The following TRIM71 variants were observed in gnomAD, a reference collection of about 807,000 sequenced individuals.
TRIM71 encodes the protein E3 ubiquitin-protein ligase TRIM71.
TRIM71 carries 9 observed loss-of-function variants against 61.2 expected under a neutral mutation model. That is an observed-to-expected ratio of 0.15 (90% CI 0.09 to 0.26). The LOEUF is 0.26. Among genes scored for constraint, TRIM71 ranks in the 10% least tolerant of loss-of-function variants. TRIM71 has a pLI of 1.00. For missense variants in TRIM71, 998 were observed against 1,238.7 expected, an observed-to-expected ratio of 0.81 and a Z score of 2.92; for synonymous variants, 645 against 553.2, an observed-to-expected ratio of 1.17 and a Z score of -2.33.
At chr3:32,823,648 G>A (rs181010293) in intron 1 of TRIM71, among the ~76,000 whole-genome samples, 2 of 148,284 alleles carry the variant, frequency 1.3e-5, no homozygotes, top group Admixed American at 1.3e-4. Context: ...TTTTCAAAGT[G>A]AAATAGTTGT....
At position 32,885,924 on chromosome 3, in the gene TRIM71, G is replaced by GT; in HGVS notation, c.1021-10_1021-9insT. 1.0e-5 allele frequency: 16 copies of GT among 1,605,186 alleles called. No homozygotes were observed. Among genetic ancestry groups the GT allele is most frequent in the Non-Finnish European group, 1.3e-5 (15 of 1,177,408 alleles). The stretch of plus-strand genomic sequence containing the variant: ...TAATGCCTCGAAGTTGTTTCTTTTT[G>GT]GTTTTCCAGCTGAGCATCGAGCAGG... On this transcript the variant is annotated splice_polypyrimidine_tract_variant and intron_variant, in intron 2 of 3. Transcript: ENST00000383763.
chr3:32,840,117 A>G (rs188599891), intron 1 of TRIM71, among the ~76,000 whole-genome samples: 26 of 152,260 alleles, frequency 1.7e-4, no homozygotes, highest in African/African-American at 5.5e-4. Flanking sequence ...CCAAAACAGG[A>G]GTTGTTCATC....
chr3:32,819,608 A>G (rs1396789545), intron 1 of TRIM71, among the ~76,000 whole-genome samples: 8 of 151,994 alleles, frequency 5.3e-5, no homozygotes, highest in African/African-American at 1.7e-4. Flanking sequence ...GCTGCTTCCT[A>G]TATTGTTTAA....
chr3:32,819,082 A>C, intron 1 of TRIM71, 150 bp downstream of exon 1: 2 of 878,540 alleles, frequency 2.3e-6, no homozygotes, highest in Non-Finnish European at 3.6e-6. Flanking sequence ...TTGCTACCAA[A>C]GTAGATCATG....
At chr3:32,823,946 G>C (rs559175765) in intron 1 of TRIM71, among the ~76,000 whole-genome samples, 24 of 151,654 alleles carry the variant, frequency 1.6e-4, no homozygotes, top group Non-Finnish European at 3.1e-4. Context: ...GTGGTGGCGC[G>C]TGCCTGTAGT....
In TRIM71 at chr3:32,829,626, T is replaced by TTGTGTGTGTGTGTGTGTGTGTGTG. The variant is rs10524029; in HGVS notation, c.852+10696_852+10719dup. ...TTTAGTAAGCATTAATGTCATGGTA[T>TTGTGTGTGTGTGTGTGTGTGTGTG]TGTGTGTGTGTGTGTGTGTGTGTGT... On this transcript the variant is annotated intron_variant, in intron 1 of 3. Transcript: ENST00000383763. Among the ~76,000 whole-genome samples, 36 of 148,784 alleles carry TTGTGTGTGTGTGTGTGTGTGTGTG rather than the reference T, an allele frequency of 2.4e-4. 3 individuals carry two copies. Among genetic ancestry groups the TTGTGTGTGTGTGTGTGTGTGTGTG allele is most frequent in the Admixed American group, 1.3e-3 (20 of 14,866 alleles).
chr3:32,818,669 C>G lies in TRIM71; in HGVS notation c.589C>G (p.His197Asp), dbSNP rs1696090998. 6.5e-7 allele frequency: 1 copy of G among 1,534,940 alleles called. No homozygotes were observed. The highest frequency in any genetic ancestry group is 1.4e-5 in the African/African-American group (1 of 71,112). Residue 197 changes from histidine (H) to aspartate (D), a missense_variant, in exon 1 of 4, where the codon CAC becomes GAC. This residue lies in a region of TRIM71 where 527 missense variants were observed against 427.8 expected (regional missense o/e 1.23). Transcript: ENST00000383763. ...SPSALLLRRP[H>D]GCSSCDEGNA... ...GTCGGCGCTGCTGCTCCGCCGTCCT[C>G]ACGGCTGCAGCTCGTGCGATGAGGG...
intron 2 of TRIM71, among the ~76,000 whole-genome samples, chr3:32,880,750 A>C (rs1696899831): frequency 6.6e-6 from 1 of 152,192 alleles, no homozygotes; most frequent in African/African-American, 2.4e-5. Context: ...CTTTTCTTGA[A>C]TATATGACAT....
intron 3 of TRIM71, among the ~76,000 whole-genome samples, chr3:32,887,108 C>T (rs1304896920): frequency 1.3e-5 from 2 of 152,118 alleles, no homozygotes; most frequent in Admixed American, 6.6e-5. Flanking sequence ...AACTGAGGGG[C>T]CCATTTCTTG....
intron 1 of TRIM71, among the ~76,000 whole-genome samples, chr3:32,835,830 C>T (rs76889421): frequency 2.0e-5 from 3 of 151,776 alleles, no homozygotes; most frequent in Admixed American, 6.6e-5. Context: ...AAATGTACCC[C>T]GTCCCACTTC....
intron 1 of TRIM71, among the ~76,000 whole-genome samples, chr3:32,838,153 C>T (rs935096023): frequency 6.6e-6 from 1 of 152,100 alleles, no homozygotes; most frequent in African/African-American, 2.4e-5. Flanking sequence ...CGGGGATTTG[C>T]GGTTCCATGG....
intron 3 of TRIM71, 61 bp downstream of exon 3, chr3:32,886,129 C>G: frequency 6.4e-7 from 1 of 1,559,170 alleles, no homozygotes; most frequent in African/African-American, 1.4e-5. Flanking sequence ...ACCTCAGCAG[C>G]ACTCTACGGG....
At chr3:32,858,227 C>T (rs984729965) in intron 1 of TRIM71, among the ~76,000 whole-genome samples, 1 of 152,040 alleles carries the variant, frequency 6.6e-6, no homozygotes, top group African/African-American at 2.4e-5. Context: ...TCTTACTGAT[C>T]CTCTCTAGCA....
chr3:32,839,377 C>G (rs1001910765), intron 1 of TRIM71, among the ~76,000 whole-genome samples: 2 of 151,834 alleles, frequency 1.3e-5, no homozygotes, highest in African/African-American at 4.8e-5. Flanking sequence ...ATTACAGGTG[C>G]GTGCCACCAC....
At chr3:32,846,822 T>A (rs1696481188) in intron 1 of TRIM71, among the ~76,000 whole-genome samples, 1 of 152,218 alleles carries the variant, frequency 6.6e-6, no homozygotes. Flanking sequence ...TCACTTAGCA[T>A]AATAACCTCC....
chr3:32,890,625 C>A lies in TRIM71; in HGVS notation c.1421C>A (p.Ser474Tyr). 6.2e-7 allele frequency: 1 copy of A among 1,613,950 alleles called. No homozygotes were observed. The highest frequency in any genetic ancestry group is 8.5e-7 in the Non-Finnish European group (1 of 1,180,030). Residue 474 changes from serine (S) to tyrosine (Y), a missense_variant, in exon 4 of 4, where the codon TCT (serine) becomes TAT (tyrosine). This residue lies in a region of TRIM71 where 291 missense variants were observed against 431.2 expected (regional missense o/e 0.67). Transcript: ENST00000383763. The surrounding 1 kb of genome is among the most constrained non-coding windows in gnomAD (Gnocchi z 6.2). ...PDQALYLAIK[S>Y]FGFVSSGAFA... ...CAGGCACTGTACCTTGCCATCAAGT[C>A]TTTTGGCTTTGTTAGCAGCGGGGCC...
intron 1 of TRIM71, among the ~76,000 whole-genome samples, chr3:32,860,304 G>A (rs1045948328): frequency 4.6e-5 from 7 of 151,632 alleles, no homozygotes; most frequent in South Asian, 2.1e-4. Context: ...GATTACAGGC[G>A]CCCACCACCA....
At chr3:32,875,377 G>GT (rs1386154753) in intron 2 of TRIM71, among the ~76,000 whole-genome samples, 1 of 152,190 alleles carries the variant, frequency 6.6e-6, no homozygotes, top group Non-Finnish European at 1.5e-5. Context: ...TCTGATCCAG[G>GT]TGACAAGGTT....
intron 1 of TRIM71, among the ~76,000 whole-genome samples, chr3:32,834,387 C>G (rs1431184058): frequency 6.6e-6 from 1 of 151,950 alleles, no homozygotes; most frequent in African/African-American, 2.4e-5. Context: ...TGAGATCCTA[C>G]AGCTAAAGTT....
Sources: gnomAD v4.1 joint callset for allele counts (sites outside exome capture counted in the v4.1 genomes callset) on GRCh38, gnomAD v4.1.1 for gene constraint, gnomAD v4.1.1 regional missense constraint, Gnocchi (gnomAD v3.1) non-coding constraint, MANE v1.5 for transcripts, NCBI Gene and HGNC (gene_info 2026-07-23, HGNC 2026-07-21) for gene names.